Variants in SMARCA2 observed in about 807,000 individuals in gnomAD.
The protein encoded by SMARCA2 is SWI/SNF-related matrix-associated actin-dependent regulator of chromatin subfamily A member 2.
A neutral mutation model predicts 199.8 loss-of-function variants in SMARCA2; 61 were observed. That is an observed-to-expected ratio of 0.31 (90% confidence interval 0.25 to 0.38). The LOEUF (loss-of-function observed/expected upper bound fraction) is 0.38, where lower values mean the gene tolerates loss of function less well. Among genes scored for constraint, SMARCA2 ranks in the 10% least tolerant of loss-of-function variants. The pLI is 1.00. For synonymous variants in SMARCA2, 935 were observed against 732.0 expected (o/e 1.28, Z -4.48); for missense variants, 1,344 against 2,012.2 (o/e 0.67, Z 6.35).
At chr9:2,188,634 A>T (rs1827658628) in intron 32 of SMARCA2, among the ~76,000 whole-genome samples, 1 of 152,170 alleles carries the variant, frequency 6.6e-6, no homozygotes, top group South Asian at 2.1e-4. Context: ...AAGCCTTGGT[A>T]TATTAATTTT....
intron 33 of SMARCA2, chr9:2,191,773 G>C (rs1232384951): frequency 6.2e-6 from 1 of 161,244 alleles, no homozygotes; most frequent in African/African-American, 2.4e-5. Context: ...TAGATTAGAT[G>C]GAAGAATGAG....
chr9:2,101,306 C>A (rs1246684782), intron 21 of SMARCA2, among the ~76,000 whole-genome samples: 1 of 152,064 alleles, frequency 6.6e-6, no homozygotes, highest in African/African-American at 2.4e-5. Flanking sequence ...AGTGGGTGCT[C>A]AGTGACTGTG....
chr9:2,150,860 A>T (rs1311549643), intron 27 of SMARCA2, among the ~76,000 whole-genome samples: 1 of 151,412 alleles, frequency 6.6e-6, no homozygotes, highest in Admixed American at 6.6e-5. Context: ...TGGTGTATGT[A>T]TGCGGGGTTG....
Position 2,169,026 on chromosome 9 carries a change from T to C in SMARCA2, c.4200-1393T>C, listed in dbSNP as rs189816331. ...AGATGACATGGTCTACTTAAGCTTC[T>C]GTGTCTCCTTGGTCAGCACCATCAT... On this transcript the variant is annotated intron_variant, in intron 28 of 33. Coordinates refer to ENST00000349721, the MANE Select transcript of SMARCA2 (RefSeq NM_003070.5). This position sits in a 1 kb window ranked among gnomAD's most constrained non-coding sequence, Gnocchi z 6.5. 3.3e-5 allele frequency among the ~76,000 whole-genome samples: 5 copies of C among 152,362 alleles called. No homozygotes were observed. The highest frequency in any genetic ancestry group is 1.2e-4 in the African/African-American group (5 of 41,584).
At chr9:2,106,109 C>T (rs910705055) in intron 23 of SMARCA2, among the ~76,000 whole-genome samples, 3 of 152,176 alleles carry the variant, frequency 2.0e-5, no homozygotes, top group African/African-American at 7.2e-5. Flanking sequence ...ATTTGATTTT[C>T]TCAATAAATA....
At chr9:2,189,629 A>G (rs944030196) in intron 32 of SMARCA2, among the ~76,000 whole-genome samples, 7 of 151,972 alleles carry the variant, frequency 4.6e-5, no homozygotes, top group African/African-American at 1.5e-4. Context: ...TTTCATCTCC[A>G]GTCTCTTCTT....
At chr9:2,059,524 A>G (rs1014307661) in intron 8 of SMARCA2, among the ~76,000 whole-genome samples, 2 of 152,198 alleles carry the variant, frequency 1.3e-5, no homozygotes, top group Non-Finnish European at 2.9e-5. Flanking sequence ...ACTCAACTGA[A>G]GTGAAACTAT....
chr9:2,163,727 G>C (rs911518367), intron 28 of SMARCA2, among the ~76,000 whole-genome samples: 3 of 152,170 alleles, frequency 2.0e-5, no homozygotes, highest in African/African-American at 7.2e-5. Flanking sequence ...TACTTGCTGA[G>C]TGAGTCAAGG....
At chr9:2,130,396 C>T (rs1823891469) in intron 27 of SMARCA2, among the ~76,000 whole-genome samples, 1 of 152,152 alleles carries the variant, frequency 6.6e-6, no homozygotes. Flanking sequence ...TCCCAGTCCG[C>T]TAGGTTTGGC....
intron 29 of SMARCA2, among the ~76,000 whole-genome samples, chr9:2,176,570 G>C (rs1563829728): frequency 6.6e-6 from 1 of 152,026 alleles, no homozygotes; most frequent in South Asian, 2.1e-4. Flanking sequence ...GTGGTGTTGA[G>C]ACAACAAAGT....
At chr9:2,134,033 T>A (rs36125847) in intron 27 of SMARCA2, among the ~76,000 whole-genome samples, 1 of 152,172 alleles carries the variant, frequency 6.6e-6, no homozygotes, top group Non-Finnish European at 1.5e-5. Context: ...ATTAAAGGTG[T>A]GTAACATAGA....
At chr9:2,092,171 C>T (rs905874985) in intron 19 of SMARCA2, among the ~76,000 whole-genome samples, 1 of 152,154 alleles carries the variant, frequency 6.6e-6, no homozygotes, top group African/African-American at 2.4e-5. Context: ...TTTGTTAATT[C>T]ATATCATCAA....
At position 2,185,964 on chromosome 9, in the gene SMARCA2, G is replaced by T. The variant is rs1045452366; in HGVS notation, c.4462-132G>T. The T allele has an allele frequency of 1.9e-5, 16 of 847,564 alleles. No individual in the cohort carries two copies. In the Admixed American group the frequency reaches 3.5e-4, roughly 19 times the overall value. 52.5% of individuals were successfully genotyped at this position (847,564 alleles called of 1,614,324 possible). A position where few individuals can be genotyped will look rare whatever the true frequency, so the allele number is the denominator to read the frequency against. On this transcript the variant is annotated intron_variant, in intron 31 of 33. Transcript: ENST00000349721. ...TGGCGTTTTGCTACTGGGTTTTCAT[G>T]TGGGCATAAAAGCTAACGGTGACAT...
intron 18 of SMARCA2, 191 bp downstream of exon 18, chr9:2,087,262 G>T: frequency 1.6e-6 from 1 of 641,240 alleles, no homozygotes; most frequent in African/African-American, 1.8e-5. Flanking sequence ...AATGGATCTA[G>T]TGGTACATGG....
chr9:2,177,645 T>C (rs1294449125), intron 29 of SMARCA2, among the ~76,000 whole-genome samples: 3 of 152,038 alleles, frequency 2.0e-5, no homozygotes, highest in Non-Finnish European at 2.9e-5. Flanking sequence ...CTCCGCCTCC[T>C]GGGTTCAAGC....
chr9:2,166,513 G>A (rs79587390), intron 28 of SMARCA2, among the ~76,000 whole-genome samples: 2,760 of 152,136 alleles, frequency 0.018, 98 homozygotes, highest in African/African-American at 0.064. Context: ...TTGAACCTAT[G>A]CCTACTGATT....
chr9:2,108,455 G>A (rs924045311), intron 23 of SMARCA2, among the ~76,000 whole-genome samples: 1 of 152,136 alleles, frequency 6.6e-6, no homozygotes, highest in Admixed American at 6.6e-5. Context: ...TCATTAATCC[G>A]TGTGATTATC....
chr9:2,131,709 G>A (rs749342802), intron 27 of SMARCA2, among the ~76,000 whole-genome samples: 11 of 152,088 alleles, frequency 7.2e-5, no homozygotes, highest in African/African-American at 1.2e-4. Flanking sequence ...GGCCGGGTGC[G>A]GTGGCTCACG....
At position 2,161,091 on chromosome 9, in the gene SMARCA2, T is replaced by A. The variant is rs1009485076; in HGVS notation, c.3982-595T>A. On this transcript the variant is annotated intron_variant, in intron 27 of 33. Coordinates refer to ENST00000349721, the MANE Select transcript of SMARCA2 (RefSeq NM_003070.5). The surrounding 1 kb of genome is among the most constrained non-coding windows in gnomAD (Gnocchi z 4.7). ...AGTGTGTGTGTTCTTTATCGAATGA[T>A]TTAAGTGCGTTTACCAAGGAATGTG... 3 of 155,986 alleles carry A rather than the reference T, an allele frequency of 1.9e-5. No individual in the cohort carries two copies. The highest frequency in any genetic ancestry group is 4.3e-5 in the Non-Finnish European group (3 of 70,282). The allele number at this position is 155,986 out of a possible 1,614,324, so 9.7% of individuals were successfully genotyped here. A position where few individuals can be genotyped will look rare whatever the true frequency, so the allele number is the denominator to read the frequency against.
Sources: gnomAD v4.1 joint callset for allele counts (sites outside exome capture counted in the v4.1 genomes callset) on GRCh38, gnomAD v4.1.1 for gene constraint, Gnocchi (gnomAD v3.1) non-coding constraint, MANE v1.5 for transcripts, NCBI Gene and HGNC (gene_info 2026-07-23, HGNC 2026-07-21) for gene names.